Variants in SH3YL1 observed in about 807,000 individuals in gnomAD.
The protein encoded by SH3YL1 is SH3 domain-containing YSC84-like protein 1.
Under a neutral mutation model 45.8 loss-of-function variants are expected in SH3YL1, and 41 were observed. That is an observed-to-expected ratio of 0.89 (90% CI 0.70 to 1.16). The LOEUF is 1.16. Ranked by LOEUF, SH3YL1 falls within the 50% of genes most tolerant of loss-of-function variation. SH3YL1 has a pLI of 0.00. For synonymous variants in SH3YL1, 152 were observed against 151.4 expected, an observed-to-expected ratio of 1.00 and a Z score of -0.03; for missense variants, 389 against 409.6, an observed-to-expected ratio of 0.95 and a Z score of 0.43.
At position 226,161 on chromosome 2, in the gene SH3YL1, T is replaced by C. The variant is rs375553762; in HGVS notation, c.782-1241A>G. Among the ~76,000 whole-genome samples, 5 of 152,270 alleles carry C rather than the reference T, an allele frequency of 3.3e-5. No homozygotes were observed. The East Asian group carries it at 9.6e-4, about 29-fold the overall frequency. On this transcript the variant is annotated intron_variant, in intron 8 of 9. Coordinates refer to ENST00000356150, the MANE Select transcript of SH3YL1 (RefSeq NM_015677.4). ...GTAGGAGGTGGGAAGACCTTAATCA[T>C]GACCAAAGTATCCAAATCTATAAAA...
chr2:251,821 A>C (rs1669085101), intron 2 of SH3YL1, among the ~76,000 whole-genome samples: 1 of 152,242 alleles, frequency 6.6e-6, no homozygotes, highest in South Asian at 2.1e-4. Context: ...CATGATTAAG[A>C]TTATTAAAAC....
chr2:241,966 T>TA (rs1449275594), intron 4 of SH3YL1: 1 of 152,120 alleles, frequency 6.6e-6, no homozygotes, highest in African/African-American at 2.4e-5. Context: ...ATCCACACTT[T>TA]AAAAAATCAC....
intron 7 of SH3YL1, 30 bp from the exon 8 acceptor site, chr2:230,074 A>C: frequency 6.5e-7 from 1 of 1,537,124 alleles, no homozygotes; most frequent in Non-Finnish European, 8.9e-7. Flanking sequence ...AAATACACAT[A>C]ATTTTAAAAT....
chr2:255,294 G>A (rs980528129), intron 1 of SH3YL1, among the ~76,000 whole-genome samples: 4 of 152,174 alleles, frequency 2.6e-5, no homozygotes, highest in South Asian at 4.1e-4. Flanking sequence ...TGCCTGGAAT[G>A]TTTGAAACAT....
intron 4 of SH3YL1, chr2:240,649 AT>A (rs1413485957): frequency 6.6e-6 from 1 of 152,200 alleles, no homozygotes; most frequent in Non-Finnish European, 1.5e-5. Context: ...CTGTGGAGCA[AT>A]TTATGTCCCC....
chr2:228,950 C>A (rs1357696254), intron 8 of SH3YL1, among the ~76,000 whole-genome samples: 5 of 152,202 alleles, frequency 3.3e-5, no homozygotes, highest in African/African-American at 9.7e-5. Context: ...TATATGCCTT[C>A]TCCCACTAAC....
At chr2:228,648 T>C (rs1316971704) in intron 8 of SH3YL1, among the ~76,000 whole-genome samples, 5 of 152,186 alleles carry the variant, frequency 3.3e-5, no homozygotes, top group Non-Finnish European at 7.3e-5. Flanking sequence ...ACTGCAAATA[T>C]GAGTTTCAGT....
chr2:258,347 CTTG>C (rs1462324955), intron 1 of SH3YL1, among the ~76,000 whole-genome samples: 2 of 152,028 alleles, frequency 1.3e-5, no homozygotes, highest in Non-Finnish European at 2.9e-5. Context: ...CTTTGTAATT[CTTG>C]TTGTAGAGAT....
chr2:256,839 C>T (rs10432714), intron 1 of SH3YL1: 45,574 of 152,120 alleles, frequency 0.3, 7,505 homozygotes, highest in East Asian at 0.59. Flanking sequence ...CAGGCTTCCA[C>T]CAGAAACTTT....
intron 1 of SH3YL1, chr2:260,770 C>T (rs1486393075): frequency 6.6e-6 from 1 of 152,246 alleles, no homozygotes; most frequent in Admixed American, 6.5e-5. Context: ...ATACATGAAT[C>T]TTATCCCCTC....
rs141803973 is a variant in SH3YL1 at position 250,508 on chromosome 2, G to A, written c.113-664C>T. On this transcript the variant is annotated intron_variant, in intron 2 of 9. Coordinates refer to ENST00000356150, the MANE Select transcript of SH3YL1 (RefSeq NM_015677.4). ...AGAGATGTTCATTACATAAAATGAGGGTTATTGGTATATGTATCCACTGAA... is the reference window on the plus strand; with the variant it reads ...AGAGATGTTCATTACATAAAATGAGAGTTATTGGTATATGTATCCACTGAA... Among the ~76,000 whole-genome samples, 6 of 152,076 alleles carry A rather than the reference G, an allele frequency of 3.9e-5. No individual in the cohort carries two copies. The East Asian group carries it at 1.2e-3, about 29-fold the overall frequency.
chr2:233,182 G>T lies in SH3YL1; in HGVS notation c.452C>A (p.Thr151Lys). ...VALRSSAAVFTYCKSRGLFAG... is the reference protein window; with the variant it reads ...VALRSSAAVFKYCKSRGLFAG... ...AAAGAGTCCCCTTGACTTGCAGTACGTGAAGACGGCAGCGGAGCTTCTCAG... is the reference window on the plus strand; with the variant it reads ...AAAGAGTCCCCTTGACTTGCAGTACTTGAAGACGGCAGCGGAGCTTCTCAG... The change falls in exon 6 of 10, where the codon ACG (threonine) becomes AAG (lysine). Residue 151 changes from threonine (T) to lysine (K), a missense_variant. Transcript: ENST00000356150. 1.3e-6 allele frequency: 2 copies of T among 1,594,392 alleles called. No individual in the cohort carries two copies. The highest frequency in any genetic ancestry group is 1.7e-6 in the Non-Finnish European group (2 of 1,168,596).
At chr2:260,207 G>T (rs1406981132) in intron 1 of SH3YL1, 1 of 152,126 alleles carries the variant, frequency 6.6e-6, no homozygotes, top group Non-Finnish European at 1.5e-5. Context: ...TGGGAGAGAT[G>T]CTCTAGATGC....
chr2:238,816 C>T (rs1432345121), intron 4 of SH3YL1, among the ~76,000 whole-genome samples: 1 of 152,164 alleles, frequency 6.6e-6, no homozygotes, highest in Non-Finnish European at 1.5e-5. Context: ...CTCTCTTTAC[C>T]ACAAAAACTT....
intron 8 of SH3YL1, 166 bp downstream of exon 8, chr2:229,800 C>A (rs1667953432): frequency 4.7e-5 from 18 of 384,230 alleles, no homozygotes; most frequent in South Asian, 1.5e-4. Flanking sequence ...ATAGCAATGA[C>A]AATTTGTCTC....
chr2:246,063 T>C (rs1411580249), intron 4 of SH3YL1, among the ~76,000 whole-genome samples: 1 of 151,470 alleles, frequency 6.6e-6, no homozygotes, highest in South Asian at 2.1e-4. Flanking sequence ...GGTGTGGTGG[T>C]GCACGCCTGT....
intron 3 of SH3YL1, among the ~76,000 whole-genome samples, chr2:249,097 G>A (rs944101957): frequency 6.6e-6 from 1 of 152,128 alleles, no homozygotes; most frequent in Admixed American, 6.5e-5. Context: ...TGTTAAATTG[G>A]TATAAAAAAC....
intron 1 of SH3YL1, chr2:262,829 ATTATT>A (rs1017133151): frequency 4.3e-6 from 3 of 703,974 alleles, no homozygotes; most frequent in East Asian, 7.4e-5. Flanking sequence ...ATGAGCAAAC[ATTATT>A]TTAAACTTTT....
At chr2:263,751 G>A in intron 1 of SH3YL1, 1 of 470,394 alleles carries the variant, frequency 2.1e-6, no homozygotes, top group East Asian at 3.6e-5. Context: ...TCCAAACTTC[G>A]GAATAGCTTT....
Sources: gnomAD v4.1 joint callset for allele counts (sites outside exome capture counted in the v4.1 genomes callset) on GRCh38, gnomAD v4.1.1 for gene constraint, MANE v1.5 for transcripts, NCBI Gene and HGNC (gene_info 2026-07-23, HGNC 2026-07-21) for gene names.